DGKA: variants seen among roughly 807,000 people sequenced by gnomAD.
The protein encoded by DGKA is 80 kDa diacylglycerol kinase.
Under a neutral mutation model 105.0 loss-of-function variants are expected in DGKA, and 35 were observed. The observed-to-expected ratio is 0.33, with a 90% CI of 0.25 to 0.44. The LOEUF is 0.44. Ranked by LOEUF, DGKA falls within the 20% of genes least tolerant of loss-of-function variation. The probability of loss-of-function intolerance (pLI) is 1.00; values close to 1 mark genes in which losing one functional copy is unlikely to be tolerated. For missense variants in DGKA, 665 were observed against 915.0 expected (o/e 0.73, Z 3.53); for synonymous variants, 296 against 332.0 (o/e 0.89, Z 1.18).
chr12:55,927,782 A>G (rs1161043729), upstream of DGKA: 2 of 1,537,576 alleles, frequency 1.3e-6, no homozygotes, highest in South Asian at 2.4e-5. Context: ...GCAGCGGACC[A>G]GGTTGGGCGG....
At position 55,942,506 on chromosome 12, in the gene DGKA, TC is replaced by T. The variant is rs1428036668; in HGVS notation, c.1426+246del. The T allele has an allele frequency of 2.0e-4, 93 of 465,496 alleles. 2 individuals carry two copies. In the South Asian group the frequency reaches 2.1e-3, roughly 10 times the overall value. 28.8% of individuals were successfully genotyped at this position (465,496 alleles called of 1,614,324 possible). ...TTTCCTGTAAATATTTTTATGTTTC[TC>T]CCAACCAACTCTTATGGCTCAGAGA... On this transcript the variant is annotated intron_variant, in intron 17 of 23. Transcript: ENST00000331886.
rs547017799 is a variant in DGKA, at chr12:55,936,394, C to G, written c.-81-29C>G. 5.4e-6 allele frequency: 8 copies of G among 1,488,836 alleles called. No homozygotes were observed. The Admixed American group carries it at 1.5e-4, about 27-fold the overall frequency. 92.2% of individuals were successfully genotyped at this position (1,488,836 alleles called of 1,614,324 possible). On this transcript the variant is annotated intron_variant, in intron 1 of 23. Transcript: ENST00000331886. ...AAGACACCCAGACAGCTGGCTCTTCCCACTGTACGCTCTGTCACCTTTCCC... is the reference window on the plus strand; with the variant it reads ...AAGACACCCAGACAGCTGGCTCTTCGCACTGTACGCTCTGTCACCTTTCCC...
intron 5 of DGKA, 72 bp downstream of exon 5, chr12:55,938,124 C>T: frequency 7.2e-7 from 1 of 1,380,304 alleles, no homozygotes; most frequent in Admixed American, 1.9e-5. Context: ...CCTCCTTTCC[C>T]TTATTCCTTC....
rs1316791373 is a variant in DGKA at position 55,931,190 on chromosome 12, C to T, written c.-236C>T. 1.3e-5 allele frequency: 2 copies of T among 152,236 alleles called. No homozygotes were observed. The highest frequency in any genetic ancestry group is 3.9e-4 in the East Asian group (2 of 5,176). The allele number at this position is 152,236 out of a possible 1,614,324, so 9.4% of individuals were successfully genotyped here. On this transcript the variant is annotated 5_prime_UTR_variant, in exon 1 of 24. Transcript: ENST00000331886. ...TCCTGCCAGTGAGTCCCTAGGCCTC[C>T]ATCTCTCTCCCTTGCTGTACCACCT... is the stretch of plus-strand genomic sequence containing the variant.
rs533994635 is a variant in DGKA, at chr12:55,941,020, GT to G, written c.1101+45del. ...GTCTTGGGCTTCATGATGGGGGCAG[GT>G]TTTTCACTGGAGCCCTCATGGGTGG... On this transcript the variant is annotated intron_variant, in intron 13 of 23. Transcript: ENST00000331886. The G allele has an allele frequency of 3.9e-3, 6,270 of 1,595,962 alleles. 33 individuals carry two copies. Among genetic ancestry groups the G allele is most frequent in the South Asian group, 4.7e-3 (418 of 89,660 alleles).
At position 55,952,490 on chromosome 12, in the gene DGKA, C is replaced by T. The variant is rs944579937; in HGVS notation, c.1743+59C>T. The T allele has an allele frequency of 2.0e-6, 3 of 1,518,894 alleles. No homozygotes were observed. Among genetic ancestry groups the T allele is most frequent in the African/African-American group, 1.4e-5 (1 of 72,998 alleles). The allele number at this position is 1,518,894 out of a possible 1,614,324, so 94.1% of individuals were successfully genotyped here. A position where few individuals can be genotyped will look rare whatever the true frequency, so the allele number is the denominator to read the frequency against. ...TCAGCTTCTTAATAGCCAAGTTTCT[C>T]CCTCCATGGCACCCTTAGGAACTTC... On this transcript the variant is annotated intron_variant, in intron 20 of 23. Coordinates refer to ENST00000331886, the MANE Select transcript of DGKA (RefSeq NM_001345.5). The surrounding 1 kb of genome is among the most constrained non-coding windows in gnomAD (Gnocchi z 5.1).
chr12:55,946,997 T>C lies in DGKA; in HGVS notation c.1427-4626T>C, dbSNP rs1371423148. Among the ~76,000 whole-genome samples the C allele has an allele frequency of 2.0e-5, 3 of 150,784 alleles. No individual in the cohort carries two copies. In the East Asian group the frequency reaches 5.8e-4, roughly 29 times the overall value. On this transcript the variant is annotated intron_variant, in intron 17 of 23. Coordinates refer to ENST00000331886, the MANE Select transcript of DGKA (RefSeq NM_001345.5). ...CTTCCTTTCTTTCTTTTTTTTTTTTTTTTTTGAGGCAGAGTTTTGCTCTTG... is the reference window on the plus strand; with the variant it reads ...CTTCCTTTCTTTCTTTTTTTTTTTTCTTTTTGAGGCAGAGTTTTGCTCTTG...
chr12:55,941,345 G>T lies in DGKA; in HGVS notation c.1175+20G>T. On this transcript the variant is annotated intron_variant, in intron 14 of 23. Coordinates refer to ENST00000331886, the MANE Select transcript of DGKA (RefSeq NM_001345.5). ...GCAAAGGTGAGGAGAAATATATTGG[G>T]TCTTCTAAGATGAGAGGCAGGGCCT... 1 of 1,611,658 alleles carries T rather than the reference G, an allele frequency of 6.2e-7. No individual in the cohort carries two copies. Among genetic ancestry groups the T allele is most frequent in the Non-Finnish European group, 8.5e-7 (1 of 1,178,140 alleles).
rs1351389467 is a variant in DGKA at position 55,940,646 on chromosome 12, C to A, written c.941C>A (p.Ala314Glu). 6.3e-7 allele frequency: 1 copy of A among 1,586,814 alleles called. No homozygotes were observed. The highest frequency in any genetic ancestry group is 1.4e-5 in the African/African-American group (1 of 73,362). Reference sequence around the variant, plus strand: ...CAGATCCACGATGACTGCCTGCAAGCGGTGGGCCATGAGTGTGACTGTGGG... The same window carrying A: ...CAGATCCACGATGACTGCCTGCAAGAGGTGGGCCATGAGTGTGACTGTGGG... ...HLEIHDDCLQ[A>E]VGHECDCGLL... Residue 314 changes from alanine to glutamate, a missense_variant, in exon 12 of 24, where the codon GCG becomes GAG. Transcript: ENST00000331886. The surrounding 1 kb of genome is among the most constrained non-coding windows in gnomAD (Gnocchi z 4.3).
chr12:55,933,818 C>T (rs1465312279), intron 1 of DGKA, among the ~76,000 whole-genome samples: 1 of 152,198 alleles, frequency 6.6e-6, no homozygotes, highest in East Asian at 1.9e-4. Flanking sequence ...GGTTCAAAGA[C>T]ATCATTTTTC....
rs775727099 is a variant in DGKA, at chr12:55,940,774, CCA to C, written c.1017+56_1017+57del. On this transcript the variant is annotated intron_variant, in intron 12 of 23. Coordinates refer to ENST00000331886, the MANE Select transcript of DGKA (RefSeq NM_001345.5). The surrounding 1 kb of genome is among the most constrained non-coding windows in gnomAD (Gnocchi z 4.3). ...GGGACAGGAGTGCCTCCCCGATTTC[CCA>C]CACGCACAGAGTGGCATTTAGAATA... 250 of 1,605,762 alleles carry C rather than the reference CCA, an allele frequency of 1.6e-4. No individual in the cohort carries two copies. The highest frequency in any genetic ancestry group is 8.7e-4 in the Admixed American group (52 of 59,936).
At chr12:55,945,939 G>A (rs1886902669) in intron 17 of DGKA, among the ~76,000 whole-genome samples, 3 of 151,784 alleles carry the variant, frequency 2.0e-5, no homozygotes, top group South Asian at 4.1e-4. Flanking sequence ...ACAAGCCTAT[G>A]CCAACACACC....
Position 55,953,904 on chromosome 12 carries a change from T to C in DGKA, c.*136T>C. On this transcript the variant is annotated 3_prime_UTR_variant, in exon 24 of 24. Transcript: ENST00000331886. ...TGTTCCTTCACCCTCACAGTATTTATTATCCTGCACCACCTCACTGTTCCC... is the reference window on the plus strand; with the variant it reads ...TGTTCCTTCACCCTCACAGTATTTACTATCCTGCACCACCTCACTGTTCCC... 2.6e-6 allele frequency: 2 copies of C among 757,534 alleles called. No homozygotes were observed. Among genetic ancestry groups the C allele is most frequent in the East Asian group, 5.3e-5 (2 of 37,448 alleles). The allele number at this position is 757,534 out of a possible 1,614,324, so 46.9% of individuals were successfully genotyped here. A position where few individuals can be genotyped will look rare whatever the true frequency, so the allele number is the denominator to read the frequency against.
chr12:55,937,599 A>G (rs1454706180), intron 4 of DGKA, 56 bp downstream of exon 4: 1 of 1,588,758 alleles, frequency 6.3e-7, no homozygotes, highest in Non-Finnish European at 8.6e-7. Flanking sequence ...TCAAACTAGT[A>G]TGGATTTGGG....
chr12:55,937,669 C>G, intron 4 of DGKA, 126 bp downstream of exon 4: 1 of 1,305,220 alleles, frequency 7.7e-7, no homozygotes, highest in Non-Finnish European at 1.1e-6. Context: ...GGAGAATAGT[C>G]AGGCTGGTCT....
At position 55,951,623 on chromosome 12, in the gene DGKA, G is replaced by A; in HGVS notation, c.1427G>A (p.Gly476Asp). The part of the protein sequence containing the change: ...DLARCLRWGG[G>D]YEGQNLAKIL... ...GCTAACCTGTCTTCTCCACTCCTAG[G>A]TTATGAAGGACAGAATCTGGCAAAG... The change falls in exon 18 of 24, where the codon GGT becomes GAT. Residue 476 changes from glycine (G) to aspartate (D), a missense_variant and splice_region_variant. Physicochemically the swap from Gly to Asp is moderately conservative, Grantham distance 94. Around this residue, in one of 3 missense-constraint regions of DGKA, gnomAD observed 504 missense variants for 681.2 expected, o/e 0.74. Coordinates refer to ENST00000331886, the MANE Select transcript of DGKA (RefSeq NM_001345.5). 6.2e-7 allele frequency: 1 copy of A among 1,613,798 alleles called. No individual in the cohort carries two copies. Among genetic ancestry groups the A allele is most frequent in the South Asian group, 1.1e-5 (1 of 91,062 alleles).
intron 17 of DGKA, among the ~76,000 whole-genome samples, chr12:55,949,772 A>C (rs912891487): frequency 1.1e-4 from 17 of 152,010 alleles, no homozygotes; most frequent in African/African-American, 3.6e-4. Flanking sequence ...TTTTTCTTCT[A>C]TCATAGGCTT....
At chr12:55,927,646 T>C (rs778060685), upstream of DGKA, 66 of 1,511,942 alleles carry the variant, frequency 4.4e-5, no homozygotes, top group Non-Finnish European at 5.2e-5. Context: ...CGTGTGCCGA[T>C]TGCTGTCGGC....
At chr12:55,935,845 T>C (rs1359611410) in intron 1 of DGKA, 1 of 981,660 alleles carries the variant, frequency 1.0e-6, no homozygotes. Context: ...TCAGAAGCGC[T>C]AGAGGTCGTT....
Sources: allele counts gnomAD v4.1 joint callset (sites outside exome capture counted in the v4.1 genomes callset), GRCh38; gene constraint gnomAD v4.1.1; regional missense constraint gnomAD v4.1.1; non-coding constraint Gnocchi (gnomAD v3.1); transcripts MANE v1.5; gene names NCBI Gene and HGNC (gene_info 2026-07-23, HGNC 2026-07-21).